Variants in PALS1 observed in about 807,000 individuals in gnomAD.
The protein encoded by PALS1 is protein associated with LIN7 1, MAGUK p55 family member.
Under a neutral mutation model 78.9 loss-of-function variants are expected in PALS1, and 31 were observed. That is an observed-to-expected ratio of 0.39 (90% CI 0.30 to 0.53). The LOEUF (loss-of-function observed/expected upper bound fraction) is 0.53. Among genes scored for constraint, PALS1 ranks in the 20% least tolerant of loss-of-function variants. The pLI is 0.67. For missense variants in PALS1, 704 were observed against 826.5 expected (o/e 0.85, Z 1.82); for synonymous variants, 276 against 270.9 (o/e 1.02, Z -0.18).
chr14:67,246,048 C>T (rs1008788692), intron 1 of PALS1, among the ~76,000 whole-genome samples: 10 of 152,132 alleles, frequency 6.6e-5, no homozygotes, highest in Non-Finnish European at 1.2e-4. Context: ...TTGTCAAAAG[C>T]TATTTGACTG....
chr14:67,279,067 T>G lies in PALS1; in HGVS notation c.-104T>G. 1.5e-6 allele frequency: 1 copy of G among 681,476 alleles called. No homozygotes were observed. Among genetic ancestry groups the G allele is most frequent in the Non-Finnish European group, 2.1e-6 (1 of 485,712 alleles). 42.2% of individuals were successfully genotyped at this position (681,476 alleles called of 1,614,324 possible). ...TAGCATTATTATGTGATGTGAGAAG[T>G]TTTTTTTTTTGAAGTAACATGGATT... is the stretch of plus-strand genomic sequence containing the variant. On this transcript the variant is annotated 5_prime_UTR_variant, in exon 3 of 15. Transcript: ENST00000261681.
chr14:67,279,542 G>C lies in PALS1; in HGVS notation c.367+5G>C, dbSNP rs1354790802. 6.6e-7 allele frequency: 1 copy of C among 1,519,246 alleles called. No homozygotes were observed. Among genetic ancestry groups the C allele is most frequent in the East Asian group, 2.3e-5 (1 of 43,868 alleles). The allele number at this position is 1,519,246 out of a possible 1,614,324, so 94.1% of individuals were successfully genotyped here. The stretch of plus-strand genomic sequence containing the variant: ...ATTATGCTGTGAAAATATTAGGTAA[G>C]TAAAAATAGAGGTATAACAGAAAAC... On this transcript the variant is annotated splice_donor_5th_base_variant and intron_variant, in intron 3 of 14. Transcript: ENST00000261681.
At chr14:67,273,299 T>C (rs2084443047) in intron 2 of PALS1, among the ~76,000 whole-genome samples, 1 of 144,366 alleles carries the variant, frequency 6.9e-6, no homozygotes, top group Non-Finnish European at 1.5e-5. Context: ...CAGGCCCCGA[T>C]GTGTGATGTT....
rs187876073 is a variant in PALS1 at position 67,243,668 on chromosome 14, T to G, written c.-237+2135T>G. On this transcript the variant is annotated intron_variant, in intron 1 of 14. Transcript: ENST00000261681. ...CCACCACGCCTGCTAATTTTTTGTA[T>G]TTTTTTTTTAGTAGAGACGGGTTTT... is the stretch of plus-strand genomic sequence containing the variant. 5.6e-3 allele frequency among the ~76,000 whole-genome samples: 817 copies of G among 146,466 alleles called. 8 individuals are homozygous for G. The highest frequency in any genetic ancestry group is 0.018 in the African/African-American group (736 of 40,116).
At chr14:67,280,850 TC>T (rs1567518312) in intron 3 of PALS1, among the ~76,000 whole-genome samples, 1 of 120,118 alleles carries the variant, frequency 8.3e-6, no homozygotes, top group African/African-American at 4.0e-5. Flanking sequence ...CTTCCTTCCT[TC>T]CTTCCCTCCC....
chr14:67,267,511 A>G (rs2140552333), intron 1 of PALS1, among the ~76,000 whole-genome samples: 1 of 151,814 alleles, frequency 6.6e-6, no homozygotes, highest in Middle Eastern at 3.4e-3. Flanking sequence ...TTGGCCTCCC[A>G]AAGTGCTGGG....
intron 4 of PALS1, 136 bp from the exon 5 acceptor site, chr14:67,301,253 A>T: frequency 2.1e-6 from 1 of 484,910 alleles, no homozygotes; most frequent in Non-Finnish European, 3.7e-6. Flanking sequence ...AAACTCTAAT[A>T]ATTCTTTTTA....
At chr14:67,275,991 T>C (rs539843541) in intron 2 of PALS1, among the ~76,000 whole-genome samples, 1 of 152,280 alleles carries the variant, frequency 6.6e-6, no homozygotes, top group African/African-American at 2.4e-5. Context: ...TTTTATTGCA[T>C]GTATTTGATT....
chr14:67,261,905 G>A (rs2140510106), intron 1 of PALS1, among the ~76,000 whole-genome samples: 1 of 152,178 alleles, frequency 6.6e-6, no homozygotes. Context: ...GTCAATTGAA[G>A]GGAAAAGATA....
intron 1 of PALS1, among the ~76,000 whole-genome samples, chr14:67,259,458 A>C (rs993968892): frequency 6.6e-6 from 1 of 151,956 alleles, no homozygotes; most frequent in African/African-American, 2.4e-5. Context: ...TAAAAATATA[A>C]AAAATCAGCC....
chr14:67,244,963 G>C (rs1311200372), intron 1 of PALS1, among the ~76,000 whole-genome samples: 5 of 152,072 alleles, frequency 3.3e-5, no homozygotes, highest in African/African-American at 4.8e-5. Flanking sequence ...AGTAGAGTCA[G>C]GAAAAAAAGA....
chr14:67,280,185 T>G (rs2140684139), intron 3 of PALS1, among the ~76,000 whole-genome samples: 1 of 152,328 alleles, frequency 6.6e-6, no homozygotes, highest in Admixed American at 6.5e-5. Flanking sequence ...TGTTAGAATG[T>G]TACTAGGCAT....
At chr14:67,247,219 A>G (rs1332291196) in intron 1 of PALS1, among the ~76,000 whole-genome samples, 3 of 152,202 alleles carry the variant, frequency 2.0e-5, no homozygotes, top group Non-Finnish European at 2.9e-5. Context: ...GTAGTTTTCA[A>G]TATGCAGATC....
chr14:67,288,793 A>G (rs574276503), intron 3 of PALS1, among the ~76,000 whole-genome samples: 1 of 152,102 alleles, frequency 6.6e-6, no homozygotes, highest in Non-Finnish European at 1.5e-5. Flanking sequence ...GATTCTGGCT[A>G]TCCCTCAGCT....
At chr14:67,246,808 C>A (rs910513961) in intron 1 of PALS1, among the ~76,000 whole-genome samples, 1 of 152,040 alleles carries the variant, frequency 6.6e-6, no homozygotes, top group African/African-American at 2.4e-5. Context: ...CGCACCACCA[C>A]GCCCAGCTAA....
rs537877453 is a variant in PALS1 at position 67,242,312 on chromosome 14, A to G, written c.-237+779A>G. 2.0e-3 allele frequency among the ~76,000 whole-genome samples: 300 copies of G among 152,324 alleles called. 1 individual carries two copies. Among genetic ancestry groups the G allele is most frequent in the Middle Eastern group, 6.8e-3 (2 of 292 alleles). On this transcript the variant is annotated intron_variant, in intron 1 of 14. Coordinates refer to ENST00000261681, the MANE Select transcript of PALS1 (RefSeq NM_022474.4). ...AATCTGATGGCTAGGAAGTTTTTAG[A>G]TGTAGTATGGAGTGTGTGTTTTGTC...
At chr14:67,277,793 C>G (rs1336535876) in intron 2 of PALS1, among the ~76,000 whole-genome samples, 1 of 152,028 alleles carries the variant, frequency 6.6e-6, no homozygotes, top group African/African-American at 2.4e-5. Flanking sequence ...TATACATTAA[C>G]TCATGTGAAA....
Position 67,292,565 on chromosome 14 carries a change from C to T in PALS1, c.422C>T (p.Ser141Phe), listed in dbSNP as rs61744208. ...CATATCCAACATACTTTGGTAGATT[C>T]TCAGAGCCAGGAGGATATTTCACTG... ...LKHIQHTLVD[S>F]QSQEDISLLL... Residue 141 changes from serine to phenylalanine, a missense_variant, in exon 4 of 15, where the codon TCT becomes TTT. Coordinates refer to ENST00000261681, the MANE Select transcript of PALS1 (RefSeq NM_022474.4). The T allele has an allele frequency of 2.6e-5, 42 of 1,613,258 alleles. No individual in the cohort carries two copies. The South Asian group carries it at 3.7e-4, about 14-fold the overall frequency.
At chr14:67,304,964 C>T (rs2084979324) in intron 8 of PALS1, among the ~76,000 whole-genome samples, 1 of 152,134 alleles carries the variant, frequency 6.6e-6, no homozygotes, top group African/African-American at 2.4e-5. Context: ...GCTATCATTC[C>T]ATGTTTTCCC....
Sources: gnomAD v4.1 joint callset for allele counts (sites outside exome capture counted in the v4.1 genomes callset) on GRCh38, gnomAD v4.1.1 for gene constraint, MANE v1.5 for transcripts, NCBI Gene and HGNC (gene_info 2026-07-23, HGNC 2026-07-21) for gene names.